CLTC: variants seen among roughly 807,000 people sequenced by gnomAD.
The protein encoded by CLTC is clathrin heavy chain.
A neutral mutation model predicts 195.8 loss-of-function variants in CLTC; 16 were observed. That is an observed-to-expected ratio of 0.08 (90% CI 0.06 to 0.12). The LOEUF is 0.12. Among genes scored for constraint, CLTC ranks in the 10% least tolerant of loss-of-function variants. The pLI, the probability that CLTC is intolerant of heterozygous loss-of-function variation, is 1.00. For synonymous variants in CLTC, 667 were observed against 689.4 expected (o/e 0.97, Z 0.51); for missense variants, 796 against 2,027.0 (o/e 0.39, Z 11.66).
chr17:59,641,817 T>A (rs547890983), intron 1 of CLTC, among the ~76,000 whole-genome samples: 1 of 152,058 alleles, frequency 6.6e-6, no homozygotes, highest in Non-Finnish European at 1.5e-5. Context: ...TTGCAGGCAG[T>A]TCTGTCACTT....
chr17:59,637,255 T>C (rs2031890317), intron 1 of CLTC, among the ~76,000 whole-genome samples: 1 of 151,518 alleles, frequency 6.6e-6, no homozygotes, highest in East Asian at 2.0e-4. Context: ...GTTTCTTTTC[T>C]TTTTTTTGAG....
At position 59,683,908 on chromosome 17, in the gene CLTC, C is replaced by T. The variant is rs2033126019; in HGVS notation, c.4357C>T (p.Arg1453Cys). 3.7e-6 allele frequency: 6 copies of T among 1,613,432 alleles called. No homozygotes were observed. Among genetic ancestry groups the T allele is most frequent in the Admixed American group, 1.7e-5 (1 of 60,002 alleles). Reference sequence around the variant, plus strand: ...GCTACCACTGGTGAAACCGTATTTGCGTTCAGTTCAGAACCATAACAACAA... The same window carrying T: ...GCTACCACTGGTGAAACCGTATTTGTGTTCAGTTCAGAACCATAACAACAA... ...KQLPLVKPYL[R>C]SVQNHNNKSV... The change falls in exon 28 of 32, where the codon CGT becomes TGT. Residue 1453 changes from arginine (R) to cysteine (C), a missense_variant. Arg to Cys is a radical substitution (Grantham distance 180). This residue lies in a region of CLTC where 148 missense variants were observed against 279.5 expected (regional missense o/e 0.53). Transcript: ENST00000269122. This position sits in a 1 kb window ranked among gnomAD's most constrained non-coding sequence, Gnocchi z 6.1.
At chr17:59,623,652 AATTGTTTTTTCCATACATATGTTTATAT>A (rs2031454117) in intron 1 of CLTC, among the ~76,000 whole-genome samples, 1 of 152,150 alleles carries the variant, frequency 6.6e-6, no homozygotes, top group African/African-American at 2.4e-5. Context: ...TTCTTTGCAA[AATTGTTTTTTCCATACATATGTTTATAT>A]GTTATTCAAA....
At chr17:59,624,272 C>G (rs1446229097) in intron 1 of CLTC, among the ~76,000 whole-genome samples, 5 of 151,906 alleles carry the variant, frequency 3.3e-5, no homozygotes, top group Non-Finnish European at 5.9e-5. Flanking sequence ...GATAATTGAC[C>G]TTAAAAAAAG....
intron 4 of CLTC, among the ~76,000 whole-genome samples, chr17:59,650,055 T>TA (rs1205969137): frequency 6.6e-5 from 10 of 152,210 alleles, no homozygotes; most frequent in Non-Finnish European, 5.9e-5. Context: ...TGGCTAGTCA[T>TA]CCTAATGAAG....
intron 1 of CLTC, among the ~76,000 whole-genome samples, chr17:59,621,939 A>T (rs1200180474): frequency 6.6e-6 from 1 of 152,210 alleles, no homozygotes; most frequent in African/African-American, 2.4e-5. Context: ...CCACACAGAG[A>T]ATCAAGTACA....
rs569627244 is a variant in CLTC at position 59,694,463 on chromosome 17, A to G, written c.*611A>G. ...CCCTCTAACCTATGCAGGTTTCCCC[A>G]TTATGCATATAGAAAATGCTAGTAT... On this transcript the variant is annotated 3_prime_UTR_variant, in exon 32 of 32. Coordinates refer to ENST00000269122, the MANE Select transcript of CLTC (RefSeq NM_004859.4). The G allele has an allele frequency of 2.2e-5, 5 of 224,580 alleles. No homozygotes were observed. In the South Asian group the frequency reaches 9.2e-4, roughly 41 times the overall value. 13.9% of individuals were successfully genotyped at this position (224,580 alleles called of 1,614,324 possible).
chr17:59,643,528 A>G (rs528279325), intron 1 of CLTC, among the ~76,000 whole-genome samples: 1 of 152,218 alleles, frequency 6.6e-6, no homozygotes, highest in South Asian at 2.1e-4. Context: ...TAAACTCAGG[A>G]TTCTTACTGA....
chr17:59,684,690 C>G (rs1287977017), intron 28 of CLTC, among the ~76,000 whole-genome samples: 8 of 151,884 alleles, frequency 5.3e-5, no homozygotes, highest in Non-Finnish European at 8.8e-5. Context: ...CCTGTAGTAG[C>G]AGCTACTCGG....
intron 6 of CLTC, among the ~76,000 whole-genome samples, chr17:59,659,520 G>T (rs2032558897): frequency 6.7e-6 from 1 of 148,274 alleles, no homozygotes; most frequent in Non-Finnish European, 1.5e-5. Context: ...GTGCCATCTT[G>T]GCTTACTGAA....
chr17:59,646,064 A>G (rs576017126), intron 2 of CLTC: 2 of 688,234 alleles, frequency 2.9e-6, no homozygotes. Flanking sequence ...GTCCTGTTCT[A>G]TAAAAAGAAT....
chr17:59,686,789 T>G (rs776931442), intron 30 of CLTC, among the ~76,000 whole-genome samples: 1 of 152,242 alleles, frequency 6.6e-6, no homozygotes, highest in Non-Finnish European at 1.5e-5. Flanking sequence ...GCTGCTTTCT[T>G]TCATACTGTA....
Position 59,682,364 on chromosome 17 carries a change from A to C in CLTC, c.3536A>C (p.Lys1179Thr). The change falls in exon 22 of 32, where the codon AAA (lysine) becomes ACA (threonine). Residue 1179 changes from lysine to threonine, a missense_variant. Coordinates refer to ENST00000269122, the MANE Select transcript of CLTC (RefSeq NM_004859.4). The surrounding 1 kb of genome is among the most constrained non-coding windows in gnomAD (Gnocchi z 6.8). The part of the protein sequence containing the change: ...VETELIFALA[K>T]TNRLAELEEF... ...ACAGAACTGATATTCGCACTGGCTA[A>C]AACAAACCGCCTTGCAGAGTTAGAA... 2 of 1,614,176 alleles carry C rather than the reference A, an allele frequency of 1.2e-6. No individual in the cohort carries two copies. Among genetic ancestry groups the C allele is most frequent in the Non-Finnish European group, 8.5e-7 (1 of 1,180,006 alleles).
chr17:59,637,534 G>A (rs865852034), intron 1 of CLTC, among the ~76,000 whole-genome samples: 6 of 138,144 alleles, frequency 4.3e-5, no homozygotes, highest in Admixed American at 1.5e-4. Context: ...ATGAGCCACC[G>A]TGCCCAGCCT....
intron 3 of CLTC, among the ~76,000 whole-genome samples, chr17:59,647,984 G>A (rs1420647493): frequency 6.6e-6 from 1 of 152,162 alleles, no homozygotes; most frequent in Non-Finnish European, 1.5e-5. Flanking sequence ...ATTTACTGCA[G>A]AATGAATGCT....
chr17:59,642,956 C>A (rs1211699567), intron 1 of CLTC, among the ~76,000 whole-genome samples: 2 of 152,100 alleles, frequency 1.3e-5, no homozygotes, highest in African/African-American at 4.8e-5. Flanking sequence ...TATGTTTAAG[C>A]ACTATTAGCA....
chr17:59,651,362 A>C (rs1210974778), intron 5 of CLTC, 46 bp downstream of exon 5: 1 of 1,260,960 alleles, frequency 7.9e-7, no homozygotes, highest in Non-Finnish European at 1.2e-6. Context: ...TCTCCTCTTA[A>C]AAGAAATTAA....
chr17:59,666,753 A>C lies in CLTC; in HGVS notation c.1948-44A>C. On this transcript the variant is annotated intron_variant, in intron 12 of 31. Transcript: ENST00000269122. The surrounding 1 kb of genome is among the most constrained non-coding windows in gnomAD (Gnocchi z 4.9). ...TAATTTCATACCACCATGAGGTTCA[A>C]CATTATTTCATTTATTCATTCATTC... is the stretch of plus-strand genomic sequence containing the variant. The C allele has an allele frequency of 6.3e-7, 1 of 1,579,744 alleles. No individual in the cohort carries two copies. The highest frequency in any genetic ancestry group is 8.6e-7 in the Non-Finnish European group (1 of 1,156,500).
intron 8 of CLTC, among the ~76,000 whole-genome samples, chr17:59,661,898 T>A (rs1248506022): frequency 2.0e-5 from 3 of 151,628 alleles, no homozygotes; most frequent in Non-Finnish European, 4.4e-5. Context: ...AGGTCAGGAG[T>A]TTGAGACCAG....
Sources: allele counts gnomAD v4.1 joint callset (sites outside exome capture counted in the v4.1 genomes callset), GRCh38; gene constraint gnomAD v4.1.1; regional missense constraint gnomAD v4.1.1; non-coding constraint Gnocchi (gnomAD v3.1); transcripts MANE v1.5; gene names NCBI Gene and HGNC (gene_info 2026-07-23, HGNC 2026-07-21).